Variants in ZNF746 observed in about 807,000 individuals in gnomAD.
ZNF746 encodes the protein zinc finger protein 746.
A neutral mutation model predicts 41.0 loss-of-function variants in ZNF746; 13 were observed. The observed-to-expected ratio is 0.32, with a 90% CI of 0.21 to 0.50. ZNF746 has a LOEUF of 0.50. Ranked by LOEUF, ZNF746 falls within the 20% of genes least tolerant of loss-of-function variation. ZNF746 has a pLI of 0.98. For synonymous variants in ZNF746, 424 were observed against 396.2 expected (o/e 1.07, Z -0.83); for missense variants, 811 against 922.9 (o/e 0.88, Z 1.57).
Position 149,494,092 on chromosome 7 carries a change from C to T in ZNF746, c.348G>A (p.Val116=). The T allele has an allele frequency of 6.2e-7, 1 of 1,614,126 alleles. No homozygotes were observed. Among genetic ancestry groups the T allele is most frequent in the Non-Finnish European group, 8.5e-7 (1 of 1,180,032 alleles). The change falls in exon 3 of 7, where the codon GTG becomes GTA. Residue 116 remains valine (V), a synonymous_variant. Coordinates refer to ENST00000458143, the MANE Select transcript of ZNF746 (RefSeq NM_001394198.1). This position sits in a 1 kb window ranked among gnomAD's most constrained non-coding sequence, Gnocchi z 5.6. ...ACTCCTGCTCGGAGAAATACACGGC[C>T]ACATCATCAAAGGTCACGGGCACCT... is the stretch of plus-strand genomic sequence containing the variant. The part of the protein sequence containing the change: ...SPKVPVTFDD[V]AVYFSEQEWG...
chr7:149,483,595 G>C (rs762140338), intron 4 of ZNF746, among the ~76,000 whole-genome samples: 41 of 151,456 alleles, frequency 2.7e-4, no homozygotes, highest in Non-Finnish European at 3.5e-4. Flanking sequence ...GACAGAGCGA[G>C]ACTCCGTGTA....
At position 149,474,854 on chromosome 7, in the gene ZNF746, C is replaced by T; in HGVS notation, c.1513G>A (p.Gly505Ser). ...DGSGPGTGGGGSGSGGGGGGS... is the reference protein window; with the variant it reads ...DGSGPGTGGGSSGSGGGGGGS... ...CCACCGCCGCCGCCACTGCCGCTGC[C>T]GCCACCGCCTGTGCCCGGGCCCGAC... Residue 505 changes from glycine to serine, a missense_variant, in exon 7 of 7, where the codon GGC becomes AGC. Around this residue, in one of 4 missense-constraint regions of ZNF746, gnomAD observed 495 missense variants for 481.6 expected, o/e 1.03. Coordinates refer to ENST00000458143, the MANE Select transcript of ZNF746 (RefSeq NM_001394198.1). This position sits in a 1 kb window ranked among gnomAD's most constrained non-coding sequence, Gnocchi z 6.3. The T allele has an allele frequency of 2.8e-6, 4 of 1,435,316 alleles. No individual in the cohort carries two copies. Among genetic ancestry groups the T allele is most frequent in the South Asian group, 2.8e-5 (2 of 71,850 alleles). 88.9% of individuals were successfully genotyped at this position (1,435,316 alleles called of 1,614,324 possible). A position where few individuals can be genotyped will look rare whatever the true frequency, so the allele number is the denominator to read the frequency against.
At position 149,474,506 on chromosome 7, in the gene ZNF746, G is replaced by C. The variant is rs570463033; in HGVS notation, c.1861C>G (p.Pro621Ala). 4.3e-6 allele frequency: 7 copies of C among 1,609,836 alleles called. No individual in the cohort carries two copies. The highest frequency in any genetic ancestry group is 5.1e-6 in the Non-Finnish European group (6 of 1,178,090). The change falls in exon 7 of 7, where the codon CCC becomes GCC. Residue 621 changes from proline (P) to alanine (A), a missense_variant. Coordinates refer to ENST00000458143, the MANE Select transcript of ZNF746 (RefSeq NM_001394198.1). The surrounding 1 kb of genome is among the most constrained non-coding windows in gnomAD (Gnocchi z 6.3). ...PARGQPLPTPPAPPDPFKSPA... is the reference protein window; with the variant it reads ...PARGQPLPTPAAPPDPFKSPA... ...CTCTTGAAGGGATCAGGAGGTGCGG[G>C]CGGCGTCGGGAGTGGCTGGCCTCGG... is the stretch of plus-strand genomic sequence containing the variant.
At chr7:149,477,830 G>C (rs1264430107) in intron 4 of ZNF746, 75 bp from the exon 5 acceptor site, 2 of 1,303,640 alleles carry the variant, frequency 1.5e-6, no homozygotes, top group East Asian at 2.5e-5. Flanking sequence ...TCCAGCCGGA[G>C]AGATAGACAC....
chr7:149,481,777 A>C (rs1025172932), intron 4 of ZNF746, among the ~76,000 whole-genome samples: 4 of 152,250 alleles, frequency 2.6e-5, no homozygotes, highest in African/African-American at 9.6e-5. Context: ...ACCTAAATGA[A>C]TAATTCCCAA....
chr7:149,493,094 A>C, intron 3 of ZNF746, 122 bp from the exon 4 acceptor site: 5 of 685,004 alleles, frequency 7.3e-6, no homozygotes, highest in East Asian at 2.8e-5. Context: ...AGTAGCTCTC[A>C]ACCACAGGCA....
At chr7:149,493,064 T>G in intron 3 of ZNF746, 92 bp from the exon 4 acceptor site, 1 of 851,060 alleles carries the variant, frequency 1.2e-6, no homozygotes, top group Non-Finnish European at 1.9e-6. Flanking sequence ...AGAAATGAAA[T>G]CTCTTGATTG....
chr7:149,494,432 C>T lies in ZNF746; in HGVS notation c.96G>A (p.Leu32=). 1.2e-6 allele frequency: 2 copies of T among 1,614,026 alleles called. No homozygotes were observed. The highest frequency in any genetic ancestry group is 1.7e-4 in the Middle Eastern group (1 of 6,056). The change falls in exon 2 of 7, where the codon CTG becomes CTA. Residue 32 remains leucine (L), a synonymous_variant. Coordinates refer to ENST00000458143, the MANE Select transcript of ZNF746 (RefSeq NM_001394198.1). This position sits in a 1 kb window ranked among gnomAD's most constrained non-coding sequence, Gnocchi z 5.6. ...ERKIESQAAR[L]LSLEGRTGMA... The stretch of plus-strand genomic sequence containing the variant: ...TCCCGGTTCGACCTTCTAGGGAAAG[C>T]AGGCGAGCAGCCTGCGATTCAATCT...
chr7:149,497,621 C>G lies in ZNF746; in HGVS notation c.-85G>C. On this transcript the variant is annotated 5_prime_UTR_variant, in exon 1 of 7. Transcript: ENST00000458143. The surrounding 1 kb of genome is among the most constrained non-coding windows in gnomAD (Gnocchi z 4.2). ...ACCACGCAGGCCCGGCCGCCCGGTG[C>G]TCTCCGCAGGCGGCGCCTGCCTGGC... 1.0e-6 allele frequency: 1 copy of G among 982,692 alleles called. No homozygotes were observed. Among genetic ancestry groups the G allele is most frequent in the East Asian group, 9.8e-5 (1 of 10,190 alleles). The allele number at this position is 982,692 out of a possible 1,614,324, so 60.9% of individuals were successfully genotyped here. A position where few individuals can be genotyped will look rare whatever the true frequency, so the allele number is the denominator to read the frequency against.
intron 6 of ZNF746, among the ~76,000 whole-genome samples, chr7:149,475,742 T>G (rs533702688): frequency 6.6e-6 from 1 of 152,300 alleles, no homozygotes; most frequent in South Asian, 2.1e-4. Flanking sequence ...TCAGTTTGGC[T>G]GTTAAGGCTA....
At position 149,497,056 on chromosome 7, in the gene ZNF746, AC is replaced by A. The variant is rs1801022596; in HGVS notation, c.24+456del. The A allele has an allele frequency of 2.0e-6, 2 of 984,794 alleles. No individual in the cohort carries two copies. Among genetic ancestry groups the A allele is most frequent in the Non-Finnish European group, 2.4e-6 (2 of 829,780 alleles). 61.0% of individuals were successfully genotyped at this position (984,794 alleles called of 1,614,324 possible). On this transcript the variant is annotated intron_variant, in intron 1 of 6. Coordinates refer to ENST00000458143, the MANE Select transcript of ZNF746 (RefSeq NM_001394198.1). The surrounding 1 kb of genome is among the most constrained non-coding windows in gnomAD (Gnocchi z 4.2). Reference sequence around the variant, plus strand: ...TGGCTCTATATTCCCTTCCGCGCCGACCCCGGGAAGCTGGGCACGTAGTGGG... The same window carrying A: ...TGGCTCTATATTCCCTTCCGCGCCGACCCGGGAAGCTGGGCACGTAGTGGG...
intron 4 of ZNF746, among the ~76,000 whole-genome samples, chr7:149,483,637 CAAAAA>C (rs1800544154): frequency 6.6e-6 from 1 of 150,944 alleles, no homozygotes; most frequent in South Asian, 2.1e-4. Context: ...AAACACAGGT[CAAAAA>C]TTAATGGGTT....
At chr7:149,486,459 C>T (rs1459721660) in intron 4 of ZNF746, among the ~76,000 whole-genome samples, 1 of 149,156 alleles carries the variant, frequency 6.7e-6, no homozygotes, top group Non-Finnish European at 1.5e-5. Flanking sequence ...CACCCACCAA[C>T]AGTAGAAGGA....
rs753672112 is a variant in ZNF746, at chr7:149,474,819, ACCGCTGCCGCCACCGCCGCCGCCACTG to A, written c.1521_1547del (p.Ser508_Gly516del). ...CGCTGCCATCCCGTGCGCTGCCCCC[ACCGCTGCCGCCACCGCCGCCGCCACTG>A]CCGCTGCCGCCACCGCCTGTGCCCG... On this transcript the variant is annotated inframe_deletion, in exon 7 of 7. Transcript: ENST00000458143. This position sits in a 1 kb window ranked among gnomAD's most constrained non-coding sequence, Gnocchi z 6.3. 9.7e-4 allele frequency: 1,403 copies of A among 1,439,214 alleles called. 8 individuals carry two copies. Among genetic ancestry groups the A allele is most frequent in the African/African-American group, 4.5e-3 (305 of 67,050 alleles). 89.2% of individuals were successfully genotyped at this position (1,439,214 alleles called of 1,614,324 possible). A position where few individuals can be genotyped will look rare whatever the true frequency, so the allele number is the denominator to read the frequency against.
At chr7:149,476,693 T>C (rs143855332) in intron 6 of ZNF746, among the ~76,000 whole-genome samples, 160 of 152,278 alleles carry the variant, frequency 1.1e-3, no homozygotes, top group South Asian at 0.01. Context: ...TAACACCATA[T>C]GAAAAAGCAA....
At chr7:149,488,112 C>T (rs899930022) in intron 4 of ZNF746, 15 of 152,120 alleles carry the variant, frequency 9.9e-5, no homozygotes, top group Admixed American at 9.8e-4. Context: ...CAGAAACCAG[C>T]TCAGGACAGA....
intron 4 of ZNF746, among the ~76,000 whole-genome samples, chr7:149,486,315 T>G (rs369819476): frequency 6.6e-6 from 1 of 151,914 alleles, no homozygotes; most frequent in South Asian, 2.1e-4. Context: ...TGGAAAAATT[T>G]GAATACATGT....
chr7:149,474,462 A>C lies in ZNF746; in HGVS notation c.1905T>G (p.Pro635=), dbSNP rs753836057. The change falls in exon 7 of 7, where the codon CCT becomes CCG. Residue 635 remains proline, a synonymous_variant. Transcript: ENST00000458143. This position sits in a 1 kb window ranked among gnomAD's most constrained non-coding sequence, Gnocchi z 6.3. ...CGGTCACAAGGTCTGTGGAGGCCAAAGGTCCTTTGGAGGCGGGGCTCTTGA... is the reference window on the plus strand; with the variant it reads ...CGGTCACAAGGTCTGTGGAGGCCAACGGTCCTTTGGAGGCGGGGCTCTTGA... ...DPFKSPASKG[P]LASTDLVTDW... 1.2e-6 allele frequency: 2 copies of C among 1,611,696 alleles called. No individual in the cohort carries two copies. Among genetic ancestry groups the C allele is most frequent in the Admixed American group, 1.7e-5 (1 of 59,704 alleles).
rs143860643 is a variant in ZNF746, at chr7:149,475,122, C to T, written c.1245G>A (p.Gly415=). ...VGLNPRTGPE[G]LPYSSPDNGE... is the part of the protein sequence containing the mutation. ...CGTTGTCCGGGGAGGAGTAAGGAAG[C>T]CCCTCGGGCCCCGTCCTCGGGTTCA... is the stretch of plus-strand genomic sequence containing the variant. Residue 415 remains glycine, a synonymous_variant, in exon 7 of 7, where the codon GGG becomes GGA. Transcript: ENST00000458143. 94 of 1,611,386 alleles carry T rather than the reference C, an allele frequency of 5.8e-5. 1 individual carries two copies. In the Middle Eastern group the frequency reaches 9.9e-4, roughly 17 times the overall value.
Sources: allele counts gnomAD v4.1 joint callset (sites outside exome capture counted in the v4.1 genomes callset), GRCh38; gene constraint gnomAD v4.1.1; regional missense constraint gnomAD v4.1.1; non-coding constraint Gnocchi (gnomAD v3.1); transcripts MANE v1.5; gene names NCBI Gene and HGNC (gene_info 2026-07-23, HGNC 2026-07-21).